Variants in CEP85 observed in about 807,000 individuals in gnomAD.
CEP85 encodes centrosomal protein of 85 kDa.
CEP85 carries 58 observed loss-of-function variants against 93.7 expected under a neutral mutation model. The ratio of observed to expected loss-of-function variants is 0.62; its 90% confidence interval spans 0.50 to 0.77. CEP85 has a LOEUF of 0.77. Among genes scored for constraint, CEP85 ranks in the 30% least tolerant of loss-of-function variants. The probability of loss-of-function intolerance (pLI) is 0.00; values close to 1 mark genes in which losing one functional copy is unlikely to be tolerated. For missense variants in CEP85, 868 were observed against 922.0 expected, an observed-to-expected ratio of 0.94 and a Z score of 0.76; for synonymous variants, 314 against 338.6, an observed-to-expected ratio of 0.93 and a Z score of 0.80.
intron 9 of CEP85, among the ~76,000 whole-genome samples, 200 bp from the exon 10 acceptor site, chr1:26,270,814 C>G (rs2089963191): frequency 6.6e-6 from 1 of 152,214 alleles, no homozygotes; most frequent in Non-Finnish European, 1.5e-5. Flanking sequence ...TGTATAGATT[C>G]TGGCCCTTAG....
Position 26,278,472 on chromosome 1 carries a change from C to T in CEP85, c.*1179C>T, listed in dbSNP as rs947272848. The T allele has an allele frequency of 1.3e-5, 2 of 152,666 alleles. No homozygotes were observed. Among genetic ancestry groups the T allele is most frequent in the African/African-American group, 4.8e-5 (2 of 41,446 alleles). 9.5% of individuals were successfully genotyped at this position (152,666 alleles called of 1,614,324 possible). On this transcript the variant is annotated 3_prime_UTR_variant, in exon 14 of 14. Coordinates refer to ENST00000451429, the MANE Select transcript of CEP85 (RefSeq NM_001319944.2). ...CCAGTCAGCCACTACAAGATTTTTG[C>T]TAAGCTTTGGGCTGTTGGCAGCATC...
At chr1:26,249,156 A>C (rs1360999134) in intron 3 of CEP85, among the ~76,000 whole-genome samples, 1 of 152,086 alleles carries the variant, frequency 6.6e-6, no homozygotes, top group Non-Finnish European at 1.5e-5. Flanking sequence ...ATCTTGGCTC[A>C]CTGCAACCTC....
At chr1:26,264,888 C>T (rs2089869440) in intron 7 of CEP85, among the ~76,000 whole-genome samples, 1 of 151,650 alleles carries the variant, frequency 6.6e-6, no homozygotes, top group Non-Finnish European at 1.5e-5. Flanking sequence ...TTTAGGCTCA[C>T]TGCAGCCTCC....
chr1:26,263,300 T>C (rs1440643245), intron 7 of CEP85: 3 of 339,814 alleles, frequency 8.8e-6, no homozygotes, highest in Non-Finnish European at 1.7e-5. Flanking sequence ...TCACTATTGC[T>C]CCTCTGTTCA....
chr1:26,237,317 T>C (rs942034873), intron 1 of CEP85, among the ~76,000 whole-genome samples: 1 of 152,216 alleles, frequency 6.6e-6, no homozygotes, highest in African/African-American at 2.4e-5. Flanking sequence ...CAGAACATTT[T>C]GATCACCCTG....
At chr1:26,272,617 AT>A (rs397861910) in intron 11 of CEP85, among the ~76,000 whole-genome samples, 311 of 89,670 alleles carry the variant, frequency 3.5e-3, no homozygotes, top group African/African-American at 0.011. Flanking sequence ...CTATTACAGC[AT>A]TTTTTTTTTT....
chr1:26,243,128 CTTTTTTTTTT>C (rs35251831), intron 2 of CEP85, among the ~76,000 whole-genome samples: 1 of 121,886 alleles, frequency 8.2e-6, no homozygotes, highest in African/African-American at 3.1e-5. Context: ...CAGTGATTTT[CTTTTTTTTTT>C]TTTTTTTTTC....
At position 26,269,630 on chromosome 1, in the gene CEP85, G is replaced by A. The variant is rs1454033012; in HGVS notation, c.1649+16G>A. The A allele has an allele frequency of 3.7e-6, 6 of 1,605,592 alleles. 1 individual carries two copies. In the South Asian group the frequency reaches 6.7e-5, roughly 18 times the overall value. On this transcript the variant is annotated intron_variant, in intron 9 of 13. Transcript: ENST00000451429. ...CTGGACATAGGTAAATAACCCTGTG[G>A]GACTGAGAGGAGTGGAGAGTTAAGT...
chr1:26,243,128 CTTTTTT>C (rs35251831), intron 2 of CEP85, among the ~76,000 whole-genome samples: 2 of 121,882 alleles, frequency 1.6e-5, no homozygotes, highest in Non-Finnish European at 3.5e-5. Context: ...CAGTGATTTT[CTTTTTT>C]TTTTTTTTTT....
chr1:26,272,843 G>A (rs909084962), intron 11 of CEP85, among the ~76,000 whole-genome samples: 1 of 151,934 alleles, frequency 6.6e-6, no homozygotes, highest in Non-Finnish European at 1.5e-5. Flanking sequence ...TGGCCAGACT[G>A]GTCTCGAACT....
intron 11 of CEP85, among the ~76,000 whole-genome samples, chr1:26,273,079 A>T (rs1391373181): frequency 1.3e-5 from 2 of 152,196 alleles, no homozygotes; most frequent in East Asian, 3.9e-4. Context: ...ATAAGGCAGC[A>T]TAGCAGCGAG....
In CEP85 at chr1:26,278,772, G is replaced by A. The variant is rs764878265; in HGVS notation, c.*1479G>A. The stretch of plus-strand genomic sequence containing the variant: ...TTTGTTATGTCCATTTGTTTGTATT[G>A]CGTATTTTGATTATAAAATAAAGTA... On this transcript the variant is annotated 3_prime_UTR_variant, in exon 14 of 14. Transcript: ENST00000451429. The A allele has an allele frequency of 6.6e-6, 1 of 152,594 alleles. No individual in the cohort carries two copies. The highest frequency in any genetic ancestry group is 2.4e-5 in the African/African-American group (1 of 41,560). 9.5% of individuals were successfully genotyped at this position (152,594 alleles called of 1,614,324 possible). A position where few individuals can be genotyped will look rare whatever the true frequency, so the allele number is the denominator to read the frequency against.
At chr1:26,258,515 A>T (rs1274639721) in intron 6 of CEP85, among the ~76,000 whole-genome samples, 1 of 151,656 alleles carries the variant, frequency 6.6e-6, no homozygotes, top group Non-Finnish European at 1.5e-5. Flanking sequence ...GTAAGGTCCT[A>T]GAGTTGGGTG....
At chr1:26,267,495 C>T (rs1307533612) in intron 7 of CEP85, among the ~76,000 whole-genome samples, 4 of 152,156 alleles carry the variant, frequency 2.6e-5, no homozygotes, top group South Asian at 2.1e-4. Context: ...ACCCAGGAGG[C>T]GAAGGTCGCA....
intron 3 of CEP85, among the ~76,000 whole-genome samples, chr1:26,245,747 A>G (rs1238464048): frequency 3.3e-5 from 5 of 152,058 alleles, no homozygotes; most frequent in African/African-American, 1.2e-4. Context: ...TCTTATTTCC[A>G]TTTTACGGAT....
At chr1:26,268,212 G>T (rs1192457554) in intron 7 of CEP85, among the ~76,000 whole-genome samples, 1 of 152,204 alleles carries the variant, frequency 6.6e-6, no homozygotes, top group Non-Finnish European at 1.5e-5. Flanking sequence ...AATCCCAGCA[G>T]TTTGGGAGGC....
intron 4 of CEP85, among the ~76,000 whole-genome samples, chr1:26,256,928 G>GTGTGTGTGTGTGTGTGTGTGTGTGTGT (rs199539021): frequency 7.2e-5 from 8 of 111,492 alleles, no homozygotes; most frequent in East Asian, 2.4e-4. Context: ...GTTTTGTTTT[G>GTGTGTGTGTGTGTGTGTGTGTGTGTGT]GTGTGTGTGT....
intron 2 of CEP85, among the ~76,000 whole-genome samples, 167 bp from the exon 3 acceptor site, chr1:26,243,991 CAAAAAAAA>C (rs58751883): frequency 6.5e-5 from 7 of 108,322 alleles, no homozygotes; most frequent in African/African-American, 1.6e-4. Context: ...GACTCCGTCT[CAAAAAAAA>C]AAAAAAAAAA....
At chr1:26,272,947 G>A (rs2090000437) in intron 11 of CEP85, among the ~76,000 whole-genome samples, 1 of 152,026 alleles carries the variant, frequency 6.6e-6, no homozygotes, top group Admixed American at 6.6e-5. Context: ...CATGTAATTG[G>A]GATGTGATGT....
Sources: gnomAD v4.1 joint callset for allele counts (sites outside exome capture counted in the v4.1 genomes callset) on GRCh38, gnomAD v4.1.1 for gene constraint, MANE v1.5 for transcripts, NCBI Gene and HGNC (gene_info 2026-07-23, HGNC 2026-07-21) for gene names.